The following BAZ2B variants were observed in gnomAD, a reference collection of about 807,000 sequenced individuals.
BAZ2B encodes bromodomain adjacent to zinc finger domain 2B.
Under a neutral mutation model 246.0 loss-of-function variants are expected in BAZ2B, and 91 were observed. The observed-to-expected ratio is 0.37, with a 90% CI of 0.31 to 0.44. BAZ2B has a LOEUF of 0.44. BAZ2B is among the 20% of genes least tolerant of loss of function. The probability of loss-of-function intolerance (pLI) is 1.00; values close to 1 mark genes in which losing one functional copy is unlikely to be tolerated. For synonymous variants in BAZ2B, 855 were observed against 860.0 expected (o/e 0.99, Z 0.10); for missense variants, 2,332 against 2,533.7 (o/e 0.92, Z 1.71).
chr2:159,500,894 C>T (rs2081626730), intron 2 of BAZ2B, among the ~76,000 whole-genome samples: 1 of 149,804 alleles, frequency 6.7e-6, no homozygotes, highest in South Asian at 2.1e-4. Flanking sequence ...GCAGAGGTTG[C>T]AGTGAGCTGA....
chr2:159,397,273 T>A, intron 19 of BAZ2B, 72 bp downstream of exon 19: 5 of 1,331,912 alleles, frequency 3.8e-6, no homozygotes, highest in Non-Finnish European at 5.2e-6. Context: ...TTTTGAAGAT[T>A]TTCCCCCAAA....
chr2:159,620,164 A>AAC (rs1696372621), upstream of BAZ2B, among the ~76,000 whole-genome samples: 1 of 152,200 alleles, frequency 6.6e-6, no homozygotes, highest in Admixed American at 6.5e-5. Context: ...TACTATGGGT[A>AAC]TTGTAGATGG....
Position 159,373,145 on chromosome 2 carries a change from T to C in BAZ2B, c.4113A>G (p.Ser1371=). The change falls in exon 27 of 37, where the codon TCA becomes TCG. Residue 1371 remains serine (S), a synonymous_variant. Transcript: ENST00000392783. ...CTTGGCCAAACATCACTGAACGCAA[T>C]GAGTGAGACGCATCAAAGAGCTTCC... ...YRRKLFDASH[S]LRSVMFGQDR... 2 of 1,614,028 alleles carry C rather than the reference T, an allele frequency of 1.2e-6. No individual in the cohort carries two copies. The highest frequency in any genetic ancestry group is 2.2e-5 in the East Asian group (1 of 44,864).
In BAZ2B at chr2:159,446,944, T is replaced by G. The variant is rs1193330592; in HGVS notation, c.534A>C (p.Thr178=). Residue 178 remains threonine, a synonymous_variant, in exon 6 of 37, where the codon ACA becomes ACC. Transcript: ENST00000392783. The stretch of plus-strand genomic sequence containing the variant: ...ATGTGTTGATACCAATTACAGATGA[T>G]GTATTACTTCCATTTATTGACCCAT... ...GVNGSINGSN[T]SSVIGINTSV... 6.3e-7 allele frequency: 1 copy of G among 1,590,232 alleles called. No individual in the cohort carries two copies. The highest frequency in any genetic ancestry group is 1.3e-5 in the African/African-American group (1 of 74,140).
chr2:159,490,495 G>T (rs1301722125), intron 2 of BAZ2B, among the ~76,000 whole-genome samples: 1 of 151,952 alleles, frequency 6.6e-6, no homozygotes. Context: ...AAACCTTGAC[G>T]TTTTGGGTTT....
intron 10 of BAZ2B, 54 bp downstream of exon 10, chr2:159,430,809 T>C (rs2070963623): frequency 6.4e-7 from 1 of 1,552,062 alleles, no homozygotes; most frequent in Non-Finnish European, 8.7e-7. Flanking sequence ...TCAATAAAAA[T>C]TCTTGCTATG....
At chr2:159,603,268 G>A (rs534685789) in intron 1 of BAZ2B, among the ~76,000 whole-genome samples, 17 of 152,184 alleles carry the variant, frequency 1.1e-4, no homozygotes, top group African/African-American at 2.4e-4. Flanking sequence ...AATAAACAAC[G>A]GAGAATGCAA....
the BAZ2B span, chr2:159,670,879 G>A: frequency 3.0e-4 from 46 of 152,204 alleles, 1 homozygote; most frequent in African/African-American, 9.6e-4. Flanking sequence ...CATTTCTGAA[G>A]GATACTTCCA....
Position 159,348,999 on chromosome 2 carries a change from G to A in BAZ2B, c.5137+8C>T, listed in dbSNP as rs1230674600. 2 of 1,613,186 alleles carry A rather than the reference G, an allele frequency of 1.2e-6. No individual in the cohort carries two copies. Among genetic ancestry groups the A allele is most frequent in the Non-Finnish European group, 8.5e-7 (1 of 1,179,336 alleles). Reference sequence around the variant, plus strand: ...GTAAGTGGCTGTAAACCATCTCAATGTACCTACCTTCTGGAATAGGTTTTG... The same window carrying A: ...GTAAGTGGCTGTAAACCATCTCAATATACCTACCTTCTGGAATAGGTTTTG... On this transcript the variant is annotated splice_region_variant and intron_variant, in intron 29 of 36. Coordinates refer to ENST00000392783, the MANE Select transcript of BAZ2B (RefSeq NM_013450.4).
At chr2:159,645,964 G>C in the BAZ2B span, among the ~76,000 whole-genome samples, 1 of 152,150 alleles carries the variant, frequency 6.6e-6, no homozygotes, top group Non-Finnish European at 1.5e-5. Flanking sequence ...ATTTAAAATT[G>C]CTAATGAAGT....
intron 2 of BAZ2B, among the ~76,000 whole-genome samples, chr2:159,485,412 CAG>C (rs2079704159): frequency 1.3e-5 from 2 of 152,016 alleles, no homozygotes; most frequent in South Asian, 4.1e-4. Flanking sequence ...TTTTCTGAAA[CAG>C]AATTTCAAAG....
chr2:159,693,859 T>C, the BAZ2B span: 1 of 152,186 alleles, frequency 6.6e-6, no homozygotes, highest in East Asian at 1.9e-4. Flanking sequence ...TGTGTACTAC[T>C]GTGCCCAGCT....
intron 1 of BAZ2B, among the ~76,000 whole-genome samples, chr2:159,613,799 T>C (rs1195915041): frequency 1.3e-5 from 2 of 152,166 alleles, no homozygotes; most frequent in African/African-American, 4.8e-5. Context: ...ATTTTTCACC[T>C]ACCTACAATT....
chr2:159,477,026 C>A (rs528068221), intron 3 of BAZ2B, among the ~76,000 whole-genome samples: 2 of 152,300 alleles, frequency 1.3e-5, no homozygotes, highest in East Asian at 1.9e-4. Context: ...TATAGTGCGG[C>A]TGGGCGCGGT....
chr2:159,453,750 G>A lies in BAZ2B; in HGVS notation c.197C>T (p.Ser66Leu), dbSNP rs1377012863. 2.5e-6 allele frequency: 4 copies of A among 1,613,076 alleles called. No homozygotes were observed. The highest frequency in any genetic ancestry group is 1.3e-5 in the African/African-American group (1 of 74,994). ...GDQPFNLSTV[S>L]SAFPMVSHPV... ...GTGGCTGACCATTGGGAAGGCACTCGACACTGTGGACAGGTTAAACGGTTG... is the reference window on the plus strand; with the variant it reads ...GTGGCTGACCATTGGGAAGGCACTCAACACTGTGGACAGGTTAAACGGTTG... The change falls in exon 4 of 37, where the codon TCG becomes TTG. Residue 66 changes from serine to leucine, a missense_variant. This residue lies in a region of BAZ2B where 242 missense variants were observed against 237.4 expected (regional missense o/e 1.02). Transcript: ENST00000392783.
At chr2:159,560,133 C>T (rs929745343) in intron 1 of BAZ2B, among the ~76,000 whole-genome samples, 1 of 152,170 alleles carries the variant, frequency 6.6e-6, no homozygotes, top group Admixed American at 6.5e-5. Context: ...ATGTCTTAAC[C>T]TTTCCTTGAC....
At chr2:159,429,780 C>T (rs867375807) in intron 10 of BAZ2B, among the ~76,000 whole-genome samples, 5 of 151,864 alleles carry the variant, frequency 3.3e-5, no homozygotes, top group Admixed American at 3.3e-4. Context: ...TTTCTAAGAC[C>T]GAGATCAAGT....
At chr2:159,676,203 T>G in the BAZ2B span, among the ~76,000 whole-genome samples, 19 of 150,426 alleles carry the variant, frequency 1.3e-4, no homozygotes, top group Non-Finnish European at 2.1e-4. Context: ...TAGGCTAATT[T>G]TTTTTTTTTA....
chr2:159,376,039 G>T (rs2061379639), intron 25 of BAZ2B, among the ~76,000 whole-genome samples: 1 of 152,118 alleles, frequency 6.6e-6, no homozygotes, highest in African/African-American at 2.4e-5. Context: ...GACAACAGAA[G>T]AACTATCTCC....
Sources: allele counts gnomAD v4.1 joint callset (sites outside exome capture counted in the v4.1 genomes callset), GRCh38; gene constraint gnomAD v4.1.1; regional missense constraint gnomAD v4.1.1; transcripts MANE v1.5; gene names NCBI Gene and HGNC (gene_info 2026-07-23, HGNC 2026-07-21).